SGMS1: variants seen among roughly 807,000 people sequenced by gnomAD.
SGMS1 encodes the protein sphingomyelin synthase 1.
In SGMS1, 13 loss-of-function variants were observed where a neutral mutation model predicts 46.2. The observed-to-expected ratio is 0.28, with a 90% CI of 0.18 to 0.45. The LOEUF is 0.45. Among genes scored for constraint, SGMS1 ranks in the 20% least tolerant of loss-of-function variants. The probability of loss-of-function intolerance (pLI) is 1.00; values close to 1 mark genes in which losing one functional copy is unlikely to be tolerated. For synonymous variants in SGMS1, 203 were observed against 187.8 expected (o/e 1.08, Z -0.66); for missense variants, 324 against 519.9 (o/e 0.62, Z 3.66).
intron 3 of SGMS1, among the ~76,000 whole-genome samples, chr10:50,496,731 T>TC (rs1320328681): frequency 6.6e-6 from 1 of 152,188 alleles, no homozygotes; most frequent in Non-Finnish European, 1.5e-5. Context: ...TACCAGTACC[T>TC]AGGCCTGGCT....
chr10:50,490,200 C>G (rs981071370), intron 3 of SGMS1, among the ~76,000 whole-genome samples: 2 of 151,984 alleles, frequency 1.3e-5, no homozygotes, highest in African/African-American at 2.4e-5. Context: ...AAATGCTACT[C>G]TTATGTGTGA....
intron 1 of SGMS1, among the ~76,000 whole-genome samples, chr10:50,617,574 TTTTA>T (rs796151411): frequency 2.4e-4 from 36 of 151,876 alleles, no homozygotes; most frequent in African/African-American, 8.5e-4. Context: ...CAACTCTTAT[TTTTA>T]TTTATGTATT....
At chr10:50,397,021 C>A (rs1277159517) in intron 6 of SGMS1, among the ~76,000 whole-genome samples, 4 of 151,998 alleles carry the variant, frequency 2.6e-5, no homozygotes, top group African/African-American at 7.3e-5. Flanking sequence ...TTTGTACTAT[C>A]AAATTTACTC....
At chr10:50,552,059 A>G (rs374900178) in intron 2 of SGMS1, among the ~76,000 whole-genome samples, 1 of 152,328 alleles carries the variant, frequency 6.6e-6, no homozygotes, top group East Asian at 1.9e-4. Context: ...GCTGTGTTCC[A>G]ATAAAACTTT....
intron 5 of SGMS1, among the ~76,000 whole-genome samples, chr10:50,455,562 A>G (rs1837180577): frequency 6.6e-6 from 1 of 152,248 alleles, no homozygotes; most frequent in Admixed American, 6.5e-5. Flanking sequence ...CTGGTTAAAA[A>G]TATCTTTGGA....
intron 6 of SGMS1, chr10:50,418,115 G>C (rs1413283335): frequency 6.6e-6 from 1 of 152,220 alleles, no homozygotes; most frequent in East Asian, 1.9e-4. Context: ...GGGGCACCAA[G>C]TTTGCGCGCG....
upstream of SGMS1, chr10:50,624,035 C>T (rs1588896557): frequency 1.2e-5 from 12 of 985,462 alleles, no homozygotes; most frequent in Non-Finnish European, 1.4e-5. Flanking sequence ...GTGTTCACTG[C>T]GGCCGGGGGG....
chr10:50,343,341 A>G, intron 7 of SGMS1, 151 bp downstream of exon 7: 1 of 792,588 alleles, frequency 1.3e-6, no homozygotes, highest in East Asian at 2.8e-5. Context: ...CCAGACAGTA[A>G]GTTAGTCCAA....
At chr10:50,477,419 G>T (rs1837437262) in intron 3 of SGMS1, among the ~76,000 whole-genome samples, 1 of 152,194 alleles carries the variant, frequency 6.6e-6, no homozygotes, top group African/African-American at 2.4e-5. Flanking sequence ...TATTTTACAG[G>T]CTCATAGGTG....
At chr10:50,511,740 A>G (rs1837757327) in intron 3 of SGMS1, among the ~76,000 whole-genome samples, 2 of 152,176 alleles carry the variant, frequency 1.3e-5, no homozygotes, top group Non-Finnish European at 2.9e-5. Context: ...CTTATCAGAA[A>G]GTGGGGACAC....
Position 50,327,122 on chromosome 10 carries a change from G to A in SGMS1, c.741+83C>T, listed in dbSNP as rs544051415. 66 of 785,430 alleles carry A rather than the reference G, an allele frequency of 8.4e-5. No individual in the cohort carries two copies. In the African/African-American group the frequency reaches 1.0e-3, roughly 12 times the overall value. 48.7% of individuals were successfully genotyped at this position (785,430 alleles called of 1,614,324 possible). A position where few individuals can be genotyped will look rare whatever the true frequency, so the allele number is the denominator to read the frequency against. ...TGACTCCACTGTATTCTGAAGAAACGTTTTCCTGCAACCTCACTCAAAGGA... is the reference window on the plus strand; with the variant it reads ...TGACTCCACTGTATTCTGAAGAAACATTTTCCTGCAACCTCACTCAAAGGA... On this transcript the variant is annotated intron_variant, in intron 8 of 10. Coordinates refer to ENST00000361781, the MANE Select transcript of SGMS1 (RefSeq NM_147156.4).
intron 5 of SGMS1, among the ~76,000 whole-genome samples, chr10:50,458,816 C>T (rs945511827): frequency 6.6e-6 from 1 of 152,080 alleles, no homozygotes; most frequent in Non-Finnish European, 1.5e-5. Context: ...TTAATGAGAA[C>T]ATTCTAGAAG....
At chr10:50,445,700 GT>G (rs1837003363) in intron 5 of SGMS1, among the ~76,000 whole-genome samples, 1 of 152,090 alleles carries the variant, frequency 6.6e-6, no homozygotes, top group African/African-American at 2.4e-5. Flanking sequence ...TGATGATTGT[GT>G]TAACTGTACA....
At chr10:50,356,640 C>A (rs1390865734) in intron 6 of SGMS1, among the ~76,000 whole-genome samples, 6 of 151,232 alleles carry the variant, frequency 4.0e-5, no homozygotes, top group African/African-American at 1.5e-4. Context: ...TATAAAAAAT[C>A]AAAACCATAC....
At chr10:50,476,095 T>C (rs370463429) in intron 3 of SGMS1, among the ~76,000 whole-genome samples, 11 of 1,184 alleles carry the variant, frequency 9.3e-3, no homozygotes, top group African/African-American at 0.036. Context: ...TTACTAAAAA[T>C]ACAAAAAAAA....
At chr10:50,441,798 C>A (rs1403694198) in intron 5 of SGMS1, among the ~76,000 whole-genome samples, 1 of 152,210 alleles carries the variant, frequency 6.6e-6, no homozygotes, top group African/African-American at 2.4e-5. Context: ...ATTATTGTCA[C>A]AAAGCATGCA....
chr10:50,547,192 T>C (rs894275906), intron 2 of SGMS1, among the ~76,000 whole-genome samples: 1 of 152,056 alleles, frequency 6.6e-6, no homozygotes, highest in Non-Finnish European at 1.5e-5. Flanking sequence ...ATTTGAGGAA[T>C]TAAATAACAA....
chr10:50,339,934 C>T (rs1053891690), intron 7 of SGMS1, among the ~76,000 whole-genome samples: 1 of 152,146 alleles, frequency 6.6e-6, no homozygotes, highest in South Asian at 2.1e-4. Flanking sequence ...GGAGCTGGTT[C>T]TCCATCTGAG....
At chr10:50,530,684 T>C (rs897720055) in intron 2 of SGMS1, among the ~76,000 whole-genome samples, 3 of 151,992 alleles carry the variant, frequency 2.0e-5, no homozygotes, top group African/African-American at 7.3e-5. Context: ...AGGGTCTTGC[T>C]GTGTTACCCA....
Sources: allele counts gnomAD v4.1 joint callset (sites outside exome capture counted in the v4.1 genomes callset), GRCh38; gene constraint gnomAD v4.1.1; transcripts MANE v1.5; gene names NCBI Gene and HGNC (gene_info 2026-07-23, HGNC 2026-07-21).